The following EPC1 variants were observed in gnomAD, a reference collection of about 807,000 sequenced individuals.
EPC1 encodes enhancer of polycomb homolog 1.
Under a neutral mutation model 98.4 loss-of-function variants are expected in EPC1, and 12 were observed. That is an observed-to-expected ratio of 0.12 (90% CI 0.08 to 0.20). EPC1 has a LOEUF of 0.20. Ranked by LOEUF, EPC1 falls within the 10% of genes least tolerant of loss-of-function variation. EPC1 has a pLI of 1.00. For synonymous variants in EPC1, 357 were observed against 363.9 expected (o/e 0.98, Z 0.21); for missense variants, 729 against 990.5 (o/e 0.74, Z 3.54).
intron 10 of EPC1, among the ~76,000 whole-genome samples, chr10:32,280,938 C>T (rs1050048525): frequency 6.6e-6 from 1 of 152,164 alleles, no homozygotes; most frequent in Admixed American, 6.5e-5. Flanking sequence ...ACTTTTTCTG[C>T]ATTGACCTGA....
At chr10:32,347,265 C>T (rs958619794), upstream of EPC1, 15 of 1,085,802 alleles carry the variant, frequency 1.4e-5, no homozygotes, top group Non-Finnish European at 1.7e-5. Flanking sequence ...CGGCACGAAG[C>T]GCGCGTCCCG....
intron 1 of EPC1, among the ~76,000 whole-genome samples, chr10:32,354,910 C>T (rs1216989165): frequency 2.0e-5 from 3 of 152,172 alleles, no homozygotes; most frequent in Admixed American, 2.0e-4. Context: ...CTGTCACTGC[C>T]TCCCATCACT....
chr10:32,356,560 G>C (rs775041037), intron 1 of EPC1, among the ~76,000 whole-genome samples: 3 of 152,136 alleles, frequency 2.0e-5, no homozygotes, highest in Non-Finnish European at 4.4e-5. Context: ...GGAGATCAAC[G>C]AGGAGAATCA....
chr10:32,290,505 A>AAAAAAGAAAAAAAG (rs1554819136), intron 6 of EPC1, among the ~76,000 whole-genome samples: 2 of 77,476 alleles, frequency 2.6e-5, no homozygotes, highest in African/African-American at 1.1e-4. Flanking sequence ...AAAAAAAAAA[A>AAAAAAGAAAAAAAG]AAAGAAAGAA....
chr10:32,292,338 T>C (rs1834897034), intron 5 of EPC1, 158 bp downstream of exon 5: 4 of 489,398 alleles, frequency 8.2e-6, no homozygotes, highest in Admixed American at 8.3e-5. Context: ...GAGGAAAACA[T>C]GTAAAAGTAT....
At chr10:32,320,112 G>C (rs943244005) in intron 1 of EPC1, among the ~76,000 whole-genome samples, 2 of 152,010 alleles carry the variant, frequency 1.3e-5, no homozygotes, top group Non-Finnish European at 2.9e-5. Flanking sequence ...TCTGGGTAAA[G>C]GGTAGAGAAT....
intron 13 of EPC1, among the ~76,000 whole-genome samples, chr10:32,270,821 CAAAAAAAAAA>C (rs55931034): frequency 5.2e-5 from 3 of 57,934 alleles, no homozygotes; most frequent in African/African-American, 2.1e-4. Context: ...GACTCGGTCT[CAAAAAAAAAA>C]AAAAAAAAAA....
intron 1 of EPC1, among the ~76,000 whole-genome samples, chr10:32,323,514 A>C (rs1360736199): frequency 1.3e-5 from 2 of 152,240 alleles, no homozygotes; most frequent in African/African-American, 4.8e-5. Context: ...TTCTGATTTC[A>C]TTAGATGAGT....
At chr10:32,289,425 CA>C (rs1405167960) in intron 6 of EPC1, among the ~76,000 whole-genome samples, 3 of 148,214 alleles carry the variant, frequency 2.0e-5, no homozygotes, top group East Asian at 2.0e-4. Flanking sequence ...CCTCCCCCTG[CA>C]AAAAAAGTCC....
upstream of EPC1, among the ~76,000 whole-genome samples, chr10:32,350,135 T>C (rs1839069678): frequency 6.6e-6 from 1 of 152,238 alleles, no homozygotes; most frequent in Admixed American, 6.5e-5. Context: ...TTGCAAACAA[T>C]GTATGCTAGG....
chr10:32,302,521 G>A (rs527682228), intron 2 of EPC1, among the ~76,000 whole-genome samples: 8 of 151,960 alleles, frequency 5.3e-5, no homozygotes, highest in South Asian at 2.1e-4. Context: ...ATGGTGGCAC[G>A]CGCCAGTAGT....
chr10:32,351,582 C>T (rs536588843), upstream of EPC1, among the ~76,000 whole-genome samples: 16 of 151,532 alleles, frequency 1.1e-4, no homozygotes, highest in South Asian at 1.9e-3. Flanking sequence ...CGCTTTAACC[C>T]GGGAGGTGGA....
chr10:32,271,673 A>G lies in EPC1; in HGVS notation c.2250T>C (p.Asn750=), dbSNP rs372816636. The stretch of plus-strand genomic sequence containing the variant: ...TTAAAGTCCTAGGTATATGTCGTGC[A>G]TTTATTGGGGCAATAGAGTTTACAG... ...VATVNSIAPI[N]ARHIPRTLSA... Residue 750 remains asparagine (N), a synonymous_variant, in exon 13 of 14, where the codon AAT becomes AAC. Coordinates refer to ENST00000319778, the MANE Select transcript of EPC1 (RefSeq NM_001272004.3). 1.9e-5 allele frequency: 31 copies of G among 1,614,230 alleles called. No individual in the cohort carries two copies. Among genetic ancestry groups the G allele is most frequent in the Non-Finnish European group, 2.5e-5 (30 of 1,180,042 alleles).
intron 6 of EPC1, among the ~76,000 whole-genome samples, chr10:32,290,383 A>G (rs998585573): frequency 7.5e-5 from 11 of 147,498 alleles, no homozygotes; most frequent in African/African-American, 2.5e-4. Context: ...CTACTCGGGG[A>G]GGCGAGGCAG....
chr10:32,335,733 A>T (rs1837918393), intron 1 of EPC1, among the ~76,000 whole-genome samples: 1 of 152,200 alleles, frequency 6.6e-6, no homozygotes, highest in Non-Finnish European at 1.5e-5. Flanking sequence ...ATTTACATGG[A>T]TAATGATGAA....
intron 6 of EPC1, among the ~76,000 whole-genome samples, chr10:32,290,505 A>AAAAAAAAAAAAAAAAAAAGAAAG (rs1554819136): frequency 9.0e-5 from 7 of 77,526 alleles, no homozygotes; most frequent in African/African-American, 3.3e-4. Context: ...AAAAAAAAAA[A>AAAAAAAAAAAAAAAAAAAGAAAG]AAAGAAAGAA....
chr10:32,283,673 TATAAC>T (rs1183143726), intron 10 of EPC1: 1 of 152,212 alleles, frequency 6.6e-6, no homozygotes, highest in African/African-American at 2.4e-5. Flanking sequence ...ACAGAATACA[TATAAC>T]ATACAAAACA....
In EPC1 at chr10:32,286,519, T is replaced by C. The variant is rs1836687155; in HGVS notation, c.1391+175A>G. ...CCCAATAGAGTTATGTCAAAAACTA[T>C]GGATGTGTAAGAACCAGGCAGCACA... On this transcript the variant is annotated intron_variant, in intron 9 of 13. Transcript: ENST00000319778. The C allele has an allele frequency of 8.4e-6, 6 of 712,918 alleles. No individual in the cohort carries two copies. The South Asian group carries it at 1.4e-4, about 16-fold the overall frequency. The allele number at this position is 712,918 out of a possible 1,614,324, so 44.2% of individuals were successfully genotyped here. A position where few individuals can be genotyped will look rare whatever the true frequency, so the allele number is the denominator to read the frequency against.
intron 1 of EPC1, among the ~76,000 whole-genome samples, chr10:32,321,973 A>C (rs1056456026): frequency 1.3e-5 from 2 of 151,144 alleles, no homozygotes; most frequent in African/African-American, 4.9e-5. Context: ...CCACCTAAGG[A>C]AGTAAGAGCA....
Sources: allele counts gnomAD v4.1 joint callset (sites outside exome capture counted in the v4.1 genomes callset), GRCh38; gene constraint gnomAD v4.1.1; transcripts MANE v1.5; gene names NCBI Gene and HGNC (gene_info 2026-07-23, HGNC 2026-07-21).